The following AXDND1 variants were observed in gnomAD, a reference collection of about 807,000 sequenced individuals.
The protein encoded by AXDND1 is axonemal dynein light chain domain-containing protein 1.
In AXDND1, 110 loss-of-function variants were observed where a neutral mutation model predicts 137.5. The ratio of observed to expected loss-of-function variants is 0.80; its 90% CI spans 0.69 to 0.94. The LOEUF (loss-of-function observed/expected upper bound fraction) is 0.94, where lower values mean the gene tolerates loss of function less well. Ranked by LOEUF, AXDND1 falls within the 40% of genes least tolerant of loss-of-function variation. The pLI, the probability that AXDND1 is intolerant of heterozygous loss-of-function variation, is 0.00. For missense variants in AXDND1, 1,191 were observed against 1,169.8 expected, an observed-to-expected ratio of 1.02 and a Z score of -0.26; for synonymous variants, 414 against 399.7, an observed-to-expected ratio of 1.04 and a Z score of -0.43.
At chr1:179,509,431 T>A (rs1668820745) in intron 21 of AXDND1, 28 bp downstream of exon 21, 2 of 1,336,658 alleles carry the variant, frequency 1.5e-6, no homozygotes, top group Admixed American at 3.5e-5. Context: ...GCGTTGGTCA[T>A]TATTCAGATT....
At chr1:179,434,361 A>G (rs1657827347) in intron 15 of AXDND1, among the ~76,000 whole-genome samples, 1 of 152,206 alleles carries the variant, frequency 6.6e-6, no homozygotes. Context: ...TGAGGCCAGC[A>G]TCATCCTGAT....
At chr1:179,458,163 T>G (rs1227911210) in intron 16 of AXDND1, among the ~76,000 whole-genome samples, 2 of 151,960 alleles carry the variant, frequency 1.3e-5, no homozygotes, top group Admixed American at 6.6e-5. Flanking sequence ...CTAATTTTTT[T>G]GTAGAGATTG....
At chr1:179,368,730 C>A in intron 2 of AXDND1, 70 bp from the exon 3 acceptor site, 3 of 1,225,490 alleles carry the variant, frequency 2.4e-6, no homozygotes, top group Admixed American at 2.4e-5. Flanking sequence ...ATTGATGAGG[C>A]AGTCTGAGAA....
At chr1:179,448,287 TGAAA>T (rs1173084542) in intron 16 of AXDND1, 3 of 769,302 alleles carry the variant, frequency 3.9e-6, no homozygotes, top group East Asian at 2.5e-5. Flanking sequence ...GCTAGCATAT[TGAAA>T]GAGTTTGTTA....
intron 12 of AXDND1, among the ~76,000 whole-genome samples, chr1:179,418,446 C>G (rs1375730298): frequency 6.6e-6 from 1 of 152,266 alleles, no homozygotes; most frequent in African/African-American, 2.4e-5. Flanking sequence ...ACCTTTTCCC[C>G]CTTTCCATTC....
intron 15 of AXDND1, among the ~76,000 whole-genome samples, chr1:179,441,765 A>G (rs1300530311): frequency 1.3e-5 from 2 of 152,196 alleles, no homozygotes; most frequent in Non-Finnish European, 2.9e-5. Flanking sequence ...CCAGGTCTGA[A>G]TAAGGGCTAT....
chr1:179,546,310 TAA>T (rs11299436), intron 25 of AXDND1: 1,735 of 143,486 alleles, frequency 0.012, 6 homozygotes, highest in East Asian at 0.034. Context: ...GTTAGGTGGT[TAA>T]AAAAAAAAAA....
intron 12 of AXDND1, among the ~76,000 whole-genome samples, chr1:179,422,206 G>T (rs12755534): frequency 0.29 from 44,601 of 151,810 alleles, 6,769 homozygotes; most frequent in Non-Finnish European, 0.31. Flanking sequence ...TGCATTGTTA[G>T]GTTATTTCCC....
chr1:179,371,181 A>T (rs1393640698), intron 4 of AXDND1, among the ~76,000 whole-genome samples: 1 of 152,152 alleles, frequency 6.6e-6, no homozygotes, highest in Non-Finnish European at 1.5e-5. Context: ...TAATCCCAGC[A>T]CTTTGGGAGG....
chr1:179,393,267 A>T (rs55682857), intron 9 of AXDND1, among the ~76,000 whole-genome samples: 16,795 of 152,148 alleles, frequency 0.11, 1,057 homozygotes, highest in African/African-American at 0.15. Context: ...GTTGCAGATC[A>T]GTTGGCTGTA....
rs1280493443 is a variant in AXDND1 at position 179,519,112 on chromosome 1, G to A, written c.2497-6222G>A. The stretch of plus-strand genomic sequence containing the variant: ...CTGGTGTTAGATGGTAGCTCATTAT[G>A]GTTTTGAGTTGTATTTCTCTAATGA... On this transcript the variant is annotated intron_variant, in intron 21 of 25. Coordinates refer to ENST00000367618, the MANE Select transcript of AXDND1 (RefSeq NM_144696.6). Among the ~76,000 whole-genome samples, 4 of 152,210 alleles carry A rather than the reference G, an allele frequency of 2.6e-5. No individual in the cohort carries two copies. The South Asian group carries it at 8.3e-4, about 32-fold the overall frequency.
chr1:179,526,539 C>G (rs975448381), intron 22 of AXDND1, among the ~76,000 whole-genome samples: 1 of 152,172 alleles, frequency 6.6e-6, no homozygotes, highest in African/African-American at 2.4e-5. Flanking sequence ...TCCTAGAACT[C>G]ATGATTGCCT....
At position 179,382,713 on chromosome 1, in the gene AXDND1, C is replaced by T; in HGVS notation, c.595C>T (p.Leu199Phe). The change falls in exon 7 of 26, where the codon CTC becomes TTC. Residue 199 changes from leucine to phenylalanine, a missense_variant. Coordinates refer to ENST00000367618, the MANE Select transcript of AXDND1 (RefSeq NM_144696.6). ...TATTTATTGTAGCAAATACACTACT[C>T]TCCTCACAGATAGTGAAAACAGGCT... Reference protein sequence around the residue: ...LECYDDKYTTLLTDSENRLLL... With the variant: ...LECYDDKYTTFLTDSENRLLL... 2 of 1,603,236 alleles carry T rather than the reference C, an allele frequency of 1.2e-6. No individual in the cohort carries two copies. The highest frequency in any genetic ancestry group is 2.2e-5 in the South Asian group (2 of 90,668).
intron 25 of AXDND1, among the ~76,000 whole-genome samples, chr1:179,535,720 A>T (rs964378664): frequency 1.3e-5 from 2 of 151,720 alleles, no homozygotes; most frequent in Admixed American, 1.3e-4. Flanking sequence ...ATGATTTATA[A>T]TCCTTTGGGT....
chr1:179,424,720 A>G (rs532228906), intron 12 of AXDND1, among the ~76,000 whole-genome samples: 31 of 152,164 alleles, frequency 2.0e-4, no homozygotes, highest in African/African-American at 7.2e-4. Flanking sequence ...GTGAGCCACC[A>G]TGCCTGGCTG....
intron 25 of AXDND1, among the ~76,000 whole-genome samples, chr1:179,541,807 A>G (rs1672192809): frequency 6.6e-6 from 1 of 152,202 alleles, no homozygotes; most frequent in Non-Finnish European, 1.5e-5. Context: ...ATCATTGTGT[A>G]TAATAGAAAA....
At chr1:179,509,186 G>T (rs970588321) in intron 20 of AXDND1, 110 bp from the exon 21 acceptor site, 19 of 668,498 alleles carry the variant, frequency 2.8e-5, no homozygotes, top group Admixed American at 8.6e-5. Flanking sequence ...CTGATATAAA[G>T]TTAATTGAAT....
intron 21 of AXDND1, among the ~76,000 whole-genome samples, chr1:179,522,728 C>T (rs12132906): frequency 0.1 from 15,538 of 151,256 alleles, 1,143 homozygotes; most frequent in East Asian, 0.35. Context: ...AAATTGTTAA[C>T]TCTGAGAGTT....
In AXDND1 at chr1:179,378,626, T is replaced by G. The variant is rs372241740; in HGVS notation, c.375-11T>G. ...AATTTGTTTTGTAAATATATTTTTC[T>G]TACTTTTTAGGGATATTTCTTTTCT... On this transcript the variant is annotated splice_polypyrimidine_tract_variant and intron_variant, in intron 4 of 25. Transcript: ENST00000367618. 3 of 1,566,522 alleles carry G rather than the reference T, an allele frequency of 1.9e-6. No individual in the cohort carries two copies. The highest frequency in any genetic ancestry group is 2.6e-6 in the Non-Finnish European group (3 of 1,152,788).
Sources: gnomAD v4.1 joint callset for allele counts (sites outside exome capture counted in the v4.1 genomes callset) on GRCh38, gnomAD v4.1.1 for gene constraint, MANE v1.5 for transcripts, NCBI Gene and HGNC (gene_info 2026-07-23, HGNC 2026-07-21) for gene names.